TFDP1: variants seen among roughly 807,000 people sequenced by gnomAD.
TFDP1 encodes the protein DRTF1-polypeptide 1.
TFDP1 carries 6 observed loss-of-function variants against 48.0 expected under a neutral mutation model. The ratio of observed to expected loss-of-function variants is 0.13; its 90% confidence interval spans 0.07 to 0.25. The LOEUF is 0.25. TFDP1 is among the 10% of genes least tolerant of loss of function. The pLI, the probability that TFDP1 is intolerant of heterozygous loss-of-function variation, is 1.00. For synonymous variants in TFDP1, 201 were observed against 211.6 expected, an observed-to-expected ratio of 0.95 and a Z score of 0.44; for missense variants, 335 against 543.0, an observed-to-expected ratio of 0.62 and a Z score of 3.81.
intron 11 of TFDP1, among the ~76,000 whole-genome samples, chr13:113,638,446 G>A (rs1002398855): frequency 6.6e-6 from 1 of 152,056 alleles, no homozygotes; most frequent in East Asian, 1.9e-4. Context: ...TTCAGAACGC[G>A]TCTGCGGTCT....
rs1407440483 is a variant in TFDP1 at position 113,626,095 on chromosome 13, TCTCAGGTGTCTCTCACGTGTC to T, written c.186+2846_186+2866del. 3.4e-3 allele frequency among the ~76,000 whole-genome samples: 392 copies of T among 114,004 alleles called. 2 individuals carry two copies. The highest frequency in any genetic ancestry group is 0.014 in the African/African-American group (346 of 24,102). 74.8% of individuals were successfully genotyped at this position (114,004 alleles called of 152,430 possible). A position where few individuals can be genotyped will look rare whatever the true frequency, so the allele number is the denominator to read the frequency against. On this transcript the variant is annotated intron_variant, in intron 4 of 11. Coordinates refer to ENST00000375370, the MANE Select transcript of TFDP1 (RefSeq NM_007111.5). ...TGTCTCTCACGTGTCCTCAGGTGTT[TCTCAGGTGTCTCTCACGTGTC>T]CTCAGGTGTCTCTCACGTGTCCTCA... is the stretch of plus-strand genomic sequence containing the variant.
chr13:113,615,159 C>T (rs555485281), intron 3 of TFDP1, among the ~76,000 whole-genome samples: 5 of 152,296 alleles, frequency 3.3e-5, no homozygotes, highest in South Asian at 2.1e-4. Flanking sequence ...ATACATCTTA[C>T]GTGGGCCATT....
intron 2 of TFDP1, among the ~76,000 whole-genome samples, chr13:113,600,286 G>A (rs1040737608): frequency 8.0e-5 from 12 of 150,550 alleles, no homozygotes; most frequent in Middle Eastern, 3.5e-3. Flanking sequence ...CCGCGATAGA[G>A]AACTCAGGAC....
At chr13:113,615,365 A>C (rs373199452) in intron 3 of TFDP1, among the ~76,000 whole-genome samples, 17 of 151,978 alleles carry the variant, frequency 1.1e-4, no homozygotes, top group East Asian at 3.9e-4. Context: ...TGCTGATAGG[A>C]GCTTTTCCTC....
intron 2 of TFDP1, among the ~76,000 whole-genome samples, chr13:113,594,035 C>T (rs1336331826): frequency 1.4e-5 from 2 of 142,110 alleles, no homozygotes; most frequent in Non-Finnish European, 3.0e-5. Context: ...TGTGCAGGTC[C>T]TCACCCACCC....
intron 8 of TFDP1, among the ~76,000 whole-genome samples, chr13:113,635,746 G>T (rs557041106): frequency 6.6e-6 from 1 of 152,326 alleles, no homozygotes; most frequent in East Asian, 1.9e-4. Flanking sequence ...TCAGGGCACG[G>T]ATGGCTGTGC....
At chr13:113,602,666 C>A (rs571792868) in intron 2 of TFDP1, among the ~76,000 whole-genome samples, 1 of 152,162 alleles carries the variant, frequency 6.6e-6, no homozygotes, top group African/African-American at 2.4e-5. Context: ...ATGGCTGTTG[C>A]GTAGGCAGAG....
intron 3 of TFDP1, among the ~76,000 whole-genome samples, chr13:113,613,235 C>T (rs1314373898): frequency 3.3e-5 from 5 of 152,172 alleles, no homozygotes; most frequent in African/African-American, 4.8e-5. Flanking sequence ...AGACTGGTTT[C>T]GAACTCCTGA....
At chr13:113,634,475 A>G in intron 7 of TFDP1, 59 bp from the exon 8 acceptor site, 1 of 1,500,014 alleles carries the variant, frequency 6.7e-7, no homozygotes, top group Non-Finnish European at 9.2e-7. Context: ...TGTGGGTTTT[A>G]AAAAACGCTC....
Position 113,611,172 on chromosome 13 carries a change from A to C in TFDP1, c.79+110A>C. ...TCTTGCTAATGATGGCATCTCCTGC[A>C]TGGGCACCTTTGTGCTCCGGGAACC... is the stretch of plus-strand genomic sequence containing the variant. On this transcript the variant is annotated intron_variant, in intron 3 of 11. Coordinates refer to ENST00000375370, the MANE Select transcript of TFDP1 (RefSeq NM_007111.5). 3 of 1,111,424 alleles carry C rather than the reference A, an allele frequency of 2.7e-6. No homozygotes were observed. In the South Asian group the frequency reaches 4.0e-5, roughly 15 times the overall value. The allele number at this position is 1,111,424 out of a possible 1,614,324, so 68.8% of individuals were successfully genotyped here.
intron 3 of TFDP1, among the ~76,000 whole-genome samples, chr13:113,616,942 T>C (rs2048874241): frequency 1.1e-4 from 16 of 152,238 alleles, no homozygotes; most frequent in Admixed American, 1.0e-3. Flanking sequence ...GCCCAGCCTC[T>C]GTTTTTAGCC....
chr13:113,625,790 CGTCTCTCACGTGTCCTCAGGT>C (rs2049150206), intron 4 of TFDP1, among the ~76,000 whole-genome samples: 9 of 10,674 alleles, frequency 8.4e-4, no homozygotes, highest in African/African-American at 3.0e-3. Flanking sequence ...TGTCCTCAGG[CGTCTCTCACGTGTCCTCAGGT>C]GTCTCACGCG....
At chr13:113,637,560 G>A (rs2049524142) in intron 10 of TFDP1, 1 of 1,462,602 alleles carries the variant, frequency 6.8e-7, no homozygotes, top group African/African-American at 1.4e-5. Flanking sequence ...CAGCACACGT[G>A]TGCCGTTTGT....
At position 113,640,081 on chromosome 13, in the gene TFDP1, C is replaced by T. The variant is rs774460678; in HGVS notation, c.1086-39C>T. 11 of 1,498,432 alleles carry T rather than the reference C, an allele frequency of 7.3e-6. No homozygotes were observed. In the Admixed American group the frequency reaches 1.2e-4, roughly 17 times the overall value. The allele number at this position is 1,498,432 out of a possible 1,614,324, so 92.8% of individuals were successfully genotyped here. A position where few individuals can be genotyped will look rare whatever the true frequency, so the allele number is the denominator to read the frequency against. ...TGAGGCGGGGGGAGGCTGGGTGGGC[C>T]GCCTGCACTGACGGCGCCATCCGCC... On this transcript the variant is annotated intron_variant, in intron 11 of 11. Transcript: ENST00000375370.
At chr13:113,587,956 A>C (rs1315494963) in intron 2 of TFDP1, among the ~76,000 whole-genome samples, 1 of 152,130 alleles carries the variant, frequency 6.6e-6, no homozygotes, top group Non-Finnish European at 1.5e-5. Flanking sequence ...TCCTGGGTTC[A>C]AGCAGTTCTT....
rs536099333 is a variant in TFDP1, at chr13:113,614,118, TGA to T, written c.79+3058_79+3059del. Among the ~76,000 whole-genome samples the T allele has an allele frequency of 9.9e-5, 15 of 150,848 alleles. No homozygotes were observed. In the East Asian group the frequency reaches 2.0e-3, roughly 20 times the overall value. ...GTTGTGTGCATATGCACGTGTGAGT[TGA>T]GTTGTGTGCATGGAGTGTTATGTGC... On this transcript the variant is annotated intron_variant, in intron 3 of 11. Transcript: ENST00000375370.
At chr13:113,585,396 A>G (rs1356222399) in intron 1 of TFDP1, 1 of 153,040 alleles carries the variant, frequency 6.5e-6, no homozygotes, top group Non-Finnish European at 1.5e-5. Context: ...GCGAGCCTGC[A>G]CGTTGCGCCG....
chr13:113,591,035 AAG>A (rs1241509935), intron 2 of TFDP1, among the ~76,000 whole-genome samples: 12 of 147,952 alleles, frequency 8.1e-5, no homozygotes, highest in South Asian at 2.2e-4. Context: ...AAAAAAGAAA[AAG>A]AAAATTATAG....
intron 2 of TFDP1, among the ~76,000 whole-genome samples, chr13:113,610,548 G>T (rs1157856508): frequency 1.3e-5 from 2 of 149,702 alleles, no homozygotes; most frequent in African/African-American, 4.9e-5. Flanking sequence ...CTGCTTTGTG[G>T]CTGTGCCATC....
Sources: allele counts gnomAD v4.1 joint callset (sites outside exome capture counted in the v4.1 genomes callset), GRCh38; gene constraint gnomAD v4.1.1; transcripts MANE v1.5; gene names NCBI Gene and HGNC (gene_info 2026-07-23, HGNC 2026-07-21).